EIF4G3: variants seen among roughly 807,000 people sequenced by gnomAD.
EIF4G3 encodes eukaryotic translation initiation factor 4 gamma 3, also known as eIF-4-gamma 3.
In EIF4G3, 34 loss-of-function variants were observed where a neutral mutation model predicts 186.4. That is an observed-to-expected ratio of 0.18 (90% confidence interval 0.14 to 0.24). The LOEUF (loss-of-function observed/expected upper bound fraction) is 0.24. Ranked by LOEUF, EIF4G3 falls within the 10% of genes least tolerant of loss-of-function variation. EIF4G3 has a pLI of 1.00. For synonymous variants in EIF4G3, 673 were observed against 679.5 expected, an observed-to-expected ratio of 0.99 and a Z score of 0.15; for missense variants, 1,536 against 1,948.5, an observed-to-expected ratio of 0.79 and a Z score of 3.99.
intron 3 of EIF4G3, among the ~76,000 whole-genome samples, chr1:21,081,804 G>A (rs531910731): frequency 1.3e-5 from 2 of 151,920 alleles, no homozygotes; most frequent in Non-Finnish European, 2.9e-5. Flanking sequence ...ACCATACCCA[G>A]CTAATTTTTT....
At position 20,942,286 on chromosome 1, in the gene EIF4G3, C is replaced by T; in HGVS notation, c.868G>A (p.Val290Ile). ...TCTCCACTGAGGACTAGCCTAAGGA[C>T]TGGGGAAGGAGACTTTAACACTGGA... ...PDPVLKSPSP[V>I]LRLVLSGEKK... The change falls in exon 14 of 37, where the codon GTC becomes ATC. Residue 290 changes from valine (V) to isoleucine (I), a missense_variant. Physicochemically the swap from Val to Ile is conservative, Grantham distance 29. Coordinates refer to ENST00000602326, the MANE Select transcript of EIF4G3 (RefSeq NM_001391906.1). 1 of 1,605,610 alleles carries T rather than the reference C, an allele frequency of 6.2e-7. No homozygotes were observed. Among genetic ancestry groups the T allele is most frequent in the South Asian group, 1.1e-5 (1 of 89,520 alleles).
In EIF4G3 at chr1:20,980,314, T is replaced by A; in HGVS notation, c.493+20A>T. 1.3e-6 allele frequency: 2 copies of A among 1,501,926 alleles called. No individual in the cohort carries two copies. The highest frequency in any genetic ancestry group is 5.1e-5 in the East Asian group (2 of 38,958). 93.0% of individuals were successfully genotyped at this position (1,501,926 alleles called of 1,614,324 possible). ...TAAACACAAAAAACTAGCAGAAATGTCTTGACTTTTCCTACTTACCATAAG... is the reference window on the plus strand; with the variant it reads ...TAAACACAAAAAACTAGCAGAAATGACTTGACTTTTCCTACTTACCATAAG... On this transcript the variant is annotated intron_variant, in intron 10 of 36. Coordinates refer to ENST00000602326, the MANE Select transcript of EIF4G3 (RefSeq NM_001391906.1).
chr1:20,852,136 T>C (rs1184666299), intron 27 of EIF4G3, among the ~76,000 whole-genome samples: 1 of 152,170 alleles, frequency 6.6e-6, no homozygotes, highest in Admixed American at 6.5e-5. Context: ...AACCTCCGCC[T>C]ACGGGTTCAA....
intron 7 of EIF4G3, among the ~76,000 whole-genome samples, chr1:20,996,739 T>C (rs568074098): frequency 6.6e-6 from 1 of 152,216 alleles, no homozygotes; most frequent in Non-Finnish European, 1.5e-5. Context: ...GCAGAGGTTA[T>C]TTATCTCCAT....
chr1:20,995,902 C>T (rs1035798342), intron 7 of EIF4G3, among the ~76,000 whole-genome samples: 4 of 152,036 alleles, frequency 2.6e-5, no homozygotes, highest in East Asian at 1.9e-4. Context: ...GATCAGAAAA[C>T]GTTTTTGCCC....
chr1:20,862,568 G>A (rs1184077700), intron 22 of EIF4G3, among the ~76,000 whole-genome samples: 1 of 151,792 alleles, frequency 6.6e-6, no homozygotes, highest in Non-Finnish European at 1.5e-5. Flanking sequence ...ACGTGCCACC[G>A]TGCCTGGCTA....
chr1:21,006,646 A>G (rs1426792399), intron 4 of EIF4G3, among the ~76,000 whole-genome samples: 2 of 152,248 alleles, frequency 1.3e-5, no homozygotes, highest in East Asian at 1.9e-4. Flanking sequence ...AGAAAAGCCA[A>G]TGAGAACAGT....
intron 2 of EIF4G3, among the ~76,000 whole-genome samples, chr1:21,133,722 G>A (rs1000075538): frequency 2.6e-5 from 4 of 152,122 alleles, no homozygotes; most frequent in Admixed American, 2.0e-4. Context: ...GCTAATAACA[G>A]CAACTGTTTA....
At chr1:20,919,838 T>C (rs184703774) in intron 14 of EIF4G3, among the ~76,000 whole-genome samples, 1 of 152,286 alleles carries the variant, frequency 6.6e-6, no homozygotes, top group East Asian at 1.9e-4. Context: ...TGATGTAGGC[T>C]ATCCTTCTAA....
At position 21,176,224 on chromosome 1, in the gene EIF4G3, G is replaced by T; in HGVS notation, c.-321C>A. On this transcript the variant is annotated 5_prime_UTR_variant, in exon 2 of 37. Coordinates refer to ENST00000602326, the MANE Select transcript of EIF4G3 (RefSeq NM_001391906.1). ...GCCCTGATGTTCGGGTGAGGAGGGG[G>T]GACCGCTGCCGCCGCCGCCGCCGCC... 2.4e-6 allele frequency: 1 copy of T among 419,300 alleles called. No homozygotes were observed. Among genetic ancestry groups the T allele is most frequent in the Non-Finnish European group, 4.1e-6 (1 of 242,102 alleles). 26.0% of individuals were successfully genotyped at this position (419,300 alleles called of 1,614,324 possible).
intron 3 of EIF4G3, among the ~76,000 whole-genome samples, chr1:21,064,037 ACTTTT>A (rs1415054633): frequency 3.3e-5 from 5 of 151,906 alleles, no homozygotes; most frequent in African/African-American, 4.8e-5. Flanking sequence ...CTCCTGTCAT[ACTTTT>A]CTCTGTGTTT....
intron 2 of EIF4G3, among the ~76,000 whole-genome samples, chr1:21,101,956 C>CA (rs1490597751): frequency 6.6e-6 from 1 of 151,782 alleles, no homozygotes; most frequent in Non-Finnish European, 1.5e-5. Flanking sequence ...AAGTTATATA[C>CA]AAAAAACTTA....
intron 3 of EIF4G3, among the ~76,000 whole-genome samples, chr1:21,061,736 T>C (rs910865819): frequency 6.6e-6 from 1 of 150,916 alleles, no homozygotes; most frequent in Non-Finnish European, 1.5e-5. Flanking sequence ...TTTATTTCTC[T>C]GCTTGTTTTT....
intron 2 of EIF4G3, among the ~76,000 whole-genome samples, chr1:21,109,302 TTA>T (rs2096673745): frequency 2.0e-5 from 3 of 152,304 alleles, no homozygotes; most frequent in Admixed American, 2.0e-4. Flanking sequence ...ATGTCTTGCT[TTA>T]TTCCACAATG....
At chr1:20,940,669 A>T (rs1388519787) in intron 14 of EIF4G3, among the ~76,000 whole-genome samples, 2 of 152,258 alleles carry the variant, frequency 1.3e-5, no homozygotes, top group Non-Finnish European at 2.9e-5. Flanking sequence ...AAAGGAAATT[A>T]TATAGCATAG....
chr1:21,064,832 C>T (rs2095145153), intron 3 of EIF4G3: 1 of 152,120 alleles, frequency 6.6e-6, no homozygotes, highest in Admixed American at 6.5e-5. Flanking sequence ...TTGACAACTC[C>T]TCAGAAGATG....
chr1:21,046,243 A>G (rs1364887555), intron 4 of EIF4G3, among the ~76,000 whole-genome samples: 2 of 152,352 alleles, frequency 1.3e-5, no homozygotes, highest in South Asian at 2.1e-4. Context: ...TGTCTCACCA[A>G]TTTACCATTG....
At chr1:20,883,346 T>C (rs997435086) in intron 19 of EIF4G3, among the ~76,000 whole-genome samples, 1 of 151,298 alleles carries the variant, frequency 6.6e-6, no homozygotes, top group African/African-American at 2.4e-5. Context: ...GGGCCGGGGG[T>C]GGTGGCTCAC....
At chr1:20,896,314 G>A (rs768699671) in intron 16 of EIF4G3, among the ~76,000 whole-genome samples, 1 of 151,460 alleles carries the variant, frequency 6.6e-6, no homozygotes, top group Non-Finnish European at 1.5e-5. Context: ...ACATGCAACT[G>A]TAGTCCCAGC....
Sources: allele counts gnomAD v4.1 joint callset (sites outside exome capture counted in the v4.1 genomes callset), GRCh38; gene constraint gnomAD v4.1.1; transcripts MANE v1.5; gene names NCBI Gene and HGNC (gene_info 2026-07-23, HGNC 2026-07-21).